HIVEP3: variants seen among roughly 807,000 people sequenced by gnomAD.
The protein encoded by HIVEP3 is HIVEP zinc finger 3, also known as transcription factor HIVEP3.
In HIVEP3, 49 loss-of-function variants were observed where a neutral mutation model predicts 152.8. That is an observed-to-expected ratio of 0.32 (90% CI 0.26 to 0.41). The LOEUF is 0.41. Ranked by LOEUF, HIVEP3 falls within the 10% of genes least tolerant of loss-of-function variation. The pLI is 1.00. For missense variants in HIVEP3, 2,790 were observed against 3,103.3 expected (o/e 0.90, Z 2.40); for synonymous variants, 1,269 against 1,289.0 (o/e 0.98, Z 0.33).
intron 1 of HIVEP3, among the ~76,000 whole-genome samples, chr1:41,812,921 C>CT (rs35136615): frequency 0.36 from 55,007 of 150,774 alleles, 11,174 homozygotes; most frequent in East Asian, 0.75. Context: ...CAGAGCCAAG[C>CT]GCTTTCTGGA....
At chr1:41,941,197 GC>G (rs1645044077) in intron 1 of HIVEP3, among the ~76,000 whole-genome samples, 2 of 152,196 alleles carry the variant, frequency 1.3e-5, no homozygotes, top group African/African-American at 4.8e-5. Context: ...GTGAAGGGAA[GC>G]AAAGGAATGG....
At chr1:41,722,447 T>TCCTTCCTTCCTTCCTA (rs1299031618) in intron 1 of HIVEP3, among the ~76,000 whole-genome samples, 1 of 146,880 alleles carries the variant, frequency 6.8e-6, no homozygotes, top group Admixed American at 6.7e-5. Flanking sequence ...CTTCCTTCCT[T>TCCTTCCTTCCTTCCTA]CTTTCCTTCC....
At chr1:41,675,271 G>A (rs931647314) in intron 2 of HIVEP3, among the ~76,000 whole-genome samples, 13 of 152,086 alleles carry the variant, frequency 8.5e-5, no homozygotes, top group Non-Finnish European at 1.3e-4. Context: ...GATCCACCTG[G>A]GGCGTAGGGT....
chr1:41,858,167 G>A (rs758849015), intron 1 of HIVEP3, among the ~76,000 whole-genome samples: 5 of 152,102 alleles, frequency 3.3e-5, no homozygotes, highest in Non-Finnish European at 7.4e-5. Context: ...AATGCTCCAC[G>A]GAAGGTTAGG....
chr1:41,741,175 AG>A, intron 1 of HIVEP3, among the ~76,000 whole-genome samples: 1 of 152,228 alleles, frequency 6.6e-6, no homozygotes, highest in Non-Finnish European at 1.5e-5. Flanking sequence ...GCAAGAGGAT[AG>A]AAACACAGAT....
intron 2 of HIVEP3, among the ~76,000 whole-genome samples, chr1:41,661,834 A>C (rs1050741476): frequency 1.3e-5 from 2 of 152,208 alleles, no homozygotes; most frequent in Non-Finnish European, 2.9e-5. Context: ...CGAGTGTGCC[A>C]GAGAAGTGTG....
At chr1:41,874,592 G>T (rs1644136915) in intron 1 of HIVEP3, among the ~76,000 whole-genome samples, 1 of 152,262 alleles carries the variant, frequency 6.6e-6, no homozygotes, top group Middle Eastern at 3.4e-3. Context: ...CCTCACCGTG[G>T]CCTCTCTGTT....
At chr1:41,980,089 G>C (rs910882031) in intron 1 of HIVEP3, among the ~76,000 whole-genome samples, 4 of 152,208 alleles carry the variant, frequency 2.6e-5, no homozygotes, top group African/African-American at 9.6e-5. Flanking sequence ...GGAGAAACAG[G>C]AAGACTCTGA....
At chr1:41,548,993 G>GTAATGCTATCCC (rs1553225677) in intron 5 of HIVEP3, among the ~76,000 whole-genome samples, 1 of 151,986 alleles carries the variant, frequency 6.6e-6, no homozygotes, top group African/African-American at 2.4e-5. Context: ...TTTACATAAG[G>GTAATGCTATCCC]TAATGCTATC....
At chr1:41,989,422 T>TA (rs1418144116) in intron 1 of HIVEP3, among the ~76,000 whole-genome samples, 2 of 152,120 alleles carry the variant, frequency 1.3e-5, no homozygotes, top group African/African-American at 4.8e-5. Flanking sequence ...ATCTATATGG[T>TA]AAAAAATGTT....
At chr1:41,626,694 T>C (rs1052668076) in intron 3 of HIVEP3, among the ~76,000 whole-genome samples, 7 of 152,100 alleles carry the variant, frequency 4.6e-5, no homozygotes, top group African/African-American at 1.7e-4. Context: ...ATGGCTGTGA[T>C]AGGCACAGAA....
chr1:42,022,151 G>A (rs558115288), intron 1 of HIVEP3, among the ~76,000 whole-genome samples: 215 of 152,188 alleles, frequency 1.4e-3, no homozygotes, highest in Non-Finnish European at 2.2e-3. Context: ...CTTTACTTAC[G>A]GATACATTTA....
rs898490440 is a variant in HIVEP3, at chr1:41,873,386, G to T, written c.-801+45027C>A. Among the ~76,000 whole-genome samples the T allele has an allele frequency of 2.0e-5, 3 of 152,240 alleles. No individual in the cohort carries two copies. Among genetic ancestry groups the T allele is most frequent in the African/African-American group, 7.2e-5 (3 of 41,462 alleles). The stretch of plus-strand genomic sequence containing the variant: ...ACCGATAACCTAGCATGTCCTTTTA[G>T]AATTTGGGGGATCCCGGCACCCACT... On this transcript the variant is annotated intron_variant, in intron 1 of 8. Coordinates refer to ENST00000372583, the MANE Select transcript of HIVEP3 (RefSeq NM_024503.5). The surrounding 1 kb of genome is among the most constrained non-coding windows in gnomAD (Gnocchi z 4.2).
At chr1:41,864,635 T>C (rs1010610968) in intron 1 of HIVEP3, 2 of 152,254 alleles carry the variant, frequency 1.3e-5, no homozygotes. Flanking sequence ...ATATGCAGAA[T>C]GGATAAACTG....
chr1:41,938,576 C>G (rs903920074), intron 1 of HIVEP3, among the ~76,000 whole-genome samples: 2 of 152,164 alleles, frequency 1.3e-5, no homozygotes, highest in African/African-American at 4.8e-5. Flanking sequence ...TGAGAACTGA[C>G]AGAGGAAGAG....
chr1:41,867,347 T>G (rs1229840229), intron 1 of HIVEP3, among the ~76,000 whole-genome samples: 1 of 152,218 alleles, frequency 6.6e-6, no homozygotes, highest in Non-Finnish European at 1.5e-5. Flanking sequence ...ATTTTACAAC[T>G]CTTTAGAAAT....
At chr1:41,538,387 G>A (rs915278696) in intron 5 of HIVEP3, among the ~76,000 whole-genome samples, 3 of 152,174 alleles carry the variant, frequency 2.0e-5, no homozygotes, top group Admixed American at 2.0e-4. Context: ...GTGGGTCAAG[G>A]ATGCCTTCTT....
rs554353990 is a variant in HIVEP3 at position 41,785,330 on chromosome 1, T to A, written c.-800-84335A>T. Among the ~76,000 whole-genome samples, 4 of 152,278 alleles carry A rather than the reference T, an allele frequency of 2.6e-5. 1 individual carries two copies. In the South Asian group the frequency reaches 8.3e-4, roughly 32 times the overall value. On this transcript the variant is annotated intron_variant, in intron 1 of 8. Transcript: ENST00000372583. ...CCAAGAAATCCTAAAACCAACTGAG[T>A]AGGCAGAGAATGGGGAGGGTTGCAT...
chr1:41,652,126 T>A (rs1406616253), intron 2 of HIVEP3, among the ~76,000 whole-genome samples: 1 of 152,196 alleles, frequency 6.6e-6, no homozygotes, highest in African/African-American at 2.4e-5. Flanking sequence ...CTCAGAGATG[T>A]CAAGTAACTT....
Sources: allele counts gnomAD v4.1 joint callset (sites outside exome capture counted in the v4.1 genomes callset), GRCh38; gene constraint gnomAD v4.1.1; non-coding constraint Gnocchi (gnomAD v3.1); transcripts MANE v1.5; gene names NCBI Gene and HGNC (gene_info 2026-07-23, HGNC 2026-07-21).